The following XKR6 variants were observed in gnomAD, a reference collection of about 807,000 sequenced individuals.
XKR6 encodes XK related 6, also known as XK-related protein 6.
Under a neutral mutation model 56.7 loss-of-function variants are expected in XKR6, and 22 were observed. The observed-to-expected ratio is 0.39, with a 90% CI of 0.28 to 0.55. The LOEUF is 0.55. XKR6 is among the 20% of genes least tolerant of loss of function. The probability of loss-of-function intolerance (pLI) is 0.66; values close to 1 mark genes in which losing one functional copy is unlikely to be tolerated. For synonymous variants in XKR6, 524 were observed against 387.8 expected (o/e 1.35, Z -4.13); for missense variants, 852 against 889.0 (o/e 0.96, Z 0.53).
At chr8:10,956,075 A>C (rs572456709) in intron 1 of XKR6, among the ~76,000 whole-genome samples, 1 of 152,298 alleles carries the variant, frequency 6.6e-6, no homozygotes, top group African/African-American at 2.4e-5. Flanking sequence ...GTGCCTGCCC[A>C]GTGCTCCTGG....
chr8:11,056,418 C>G (rs1799686277), intron 1 of XKR6, among the ~76,000 whole-genome samples: 1 of 152,242 alleles, frequency 6.6e-6, no homozygotes, highest in Admixed American at 6.5e-5. Flanking sequence ...TCTGAGAACT[C>G]CTGGGTAAAC....
chr8:10,949,348 C>G (rs1392591986), intron 1 of XKR6, among the ~76,000 whole-genome samples: 1 of 152,244 alleles, frequency 6.6e-6, no homozygotes, highest in Admixed American at 6.5e-5. Flanking sequence ...GCATGGGCCC[C>G]CTTCATCTGG....
At chr8:10,984,089 C>T (rs897055382) in intron 1 of XKR6, among the ~76,000 whole-genome samples, 3 of 152,100 alleles carry the variant, frequency 2.0e-5, no homozygotes, top group South Asian at 2.1e-4. Context: ...CAAAATCTAC[C>T]AGCACAGCAA....
intron 1 of XKR6, among the ~76,000 whole-genome samples, chr8:10,982,591 C>T (rs902828029): frequency 2.0e-5 from 3 of 152,168 alleles, no homozygotes; most frequent in African/African-American, 7.2e-5. Context: ...GTTCTGTTTG[C>T]TGTCAAGTTC....
chr8:11,003,969 G>A (rs1173732292), intron 1 of XKR6, among the ~76,000 whole-genome samples: 1 of 152,192 alleles, frequency 6.6e-6, no homozygotes, highest in Non-Finnish European at 1.5e-5. Context: ...AGGTGCAAAA[G>A]CAGAGAGTGG....
At chr8:11,150,881 T>C (rs1374737198) in intron 1 of XKR6, among the ~76,000 whole-genome samples, 1 of 149,980 alleles carries the variant, frequency 6.7e-6, no homozygotes. Context: ...AAAAAATTCC[T>C]TCCAACCTTG....
At chr8:11,085,155 C>T (rs1048818781) in intron 1 of XKR6, among the ~76,000 whole-genome samples, 1 of 152,164 alleles carries the variant, frequency 6.6e-6, no homozygotes, top group Non-Finnish European at 1.5e-5. Context: ...CCCTTCTTGT[C>T]ACCCAAGAGC....
At chr8:10,977,049 C>CA (rs1266430002) in intron 1 of XKR6, among the ~76,000 whole-genome samples, 2 of 151,982 alleles carry the variant, frequency 1.3e-5, no homozygotes, top group African/African-American at 4.8e-5. Flanking sequence ...TAAGCAGATC[C>CA]AAAAAAGGCC....
intron 1 of XKR6, among the ~76,000 whole-genome samples, chr8:11,144,389 TGAGAAAGTGGAAAGG>T (rs1800873701): frequency 6.7e-6 from 1 of 148,616 alleles, no homozygotes; most frequent in Admixed American, 6.8e-5. Context: ...TGGTCACATT[TGAGAAAGTGGAAAGG>T]AGACAGAGGG....
chr8:11,097,126 T>C (rs1377901114), intron 1 of XKR6, among the ~76,000 whole-genome samples: 2 of 152,218 alleles, frequency 1.3e-5, no homozygotes, highest in South Asian at 2.1e-4. Context: ...AACAGGACAC[T>C]TGCCATCTGA....
At chr8:11,144,260 A>G (rs908800596) in intron 1 of XKR6, among the ~76,000 whole-genome samples, 1 of 102,560 alleles carries the variant, frequency 9.8e-6, no homozygotes, top group Non-Finnish European at 1.9e-5. Context: ...GTGTGTATCT[A>G]AAGTAGGCTT....
intron 1 of XKR6, among the ~76,000 whole-genome samples, chr8:11,115,778 G>C (rs1263806792): frequency 6.6e-6 from 1 of 152,092 alleles, no homozygotes; most frequent in Non-Finnish European, 1.5e-5. Flanking sequence ...TCATCACCAA[G>C]GCCTGATTTT....
intron 1 of XKR6, among the ~76,000 whole-genome samples, chr8:11,031,498 A>G (rs1798992258): frequency 6.6e-6 from 1 of 152,212 alleles, no homozygotes. Flanking sequence ...CCACAGCAGA[A>G]AGAACCACTC....
intron 1 of XKR6, among the ~76,000 whole-genome samples, chr8:11,149,924 T>C (rs776120743): frequency 5.3e-5 from 8 of 152,220 alleles, no homozygotes; most frequent in African/African-American, 7.2e-5. Context: ...ATCACGCCGT[T>C]TGCAGCGTCA....
rs760701409 is a variant in XKR6 at position 11,201,385 on chromosome 8, G to C, written c.-46C>G. 2.0e-5 allele frequency: 13 copies of C among 648,060 alleles called. No individual in the cohort carries two copies. The highest frequency in any genetic ancestry group is 3.5e-5 in the South Asian group (1 of 28,508). The allele number at this position is 648,060 out of a possible 1,614,324, so 40.1% of individuals were successfully genotyped here. A position where few individuals can be genotyped will look rare whatever the true frequency, so the allele number is the denominator to read the frequency against. ...CGGAGGTTGGGGGGGAGGGACGGCG[G>C]GGGGGGGGGGAAGAAGGCAGGGAAC... On this transcript the variant is annotated 5_prime_UTR_variant, in exon 1 of 3. Coordinates refer to ENST00000416569, the MANE Select transcript of XKR6 (RefSeq NM_173683.4).
At chr8:11,052,979 G>C (rs1347755642) in intron 1 of XKR6, among the ~76,000 whole-genome samples, 7 of 152,192 alleles carry the variant, frequency 4.6e-5, no homozygotes, top group African/African-American at 1.7e-4. Flanking sequence ...ACAGTGCTGA[G>C]GGGCTCAGTC....
intron 1 of XKR6, among the ~76,000 whole-genome samples, chr8:10,958,946 G>C (rs1801976384): frequency 6.6e-6 from 1 of 152,200 alleles, no homozygotes; most frequent in African/African-American, 2.4e-5. Flanking sequence ...TTGTGCAAAA[G>C]CTACAGCTGC....
chr8:11,036,494 C>T (rs1799147829), intron 1 of XKR6, among the ~76,000 whole-genome samples: 1 of 152,206 alleles, frequency 6.6e-6, no homozygotes, highest in Non-Finnish European at 1.5e-5. Flanking sequence ...TAGGAATGCA[C>T]ATTCTTAGGC....
At chr8:11,187,457 G>A (rs534365414) in intron 1 of XKR6, among the ~76,000 whole-genome samples, 74 of 152,204 alleles carry the variant, frequency 4.9e-4, no homozygotes, top group African/African-American at 1.6e-3. Context: ...ACATGTCTCC[G>A]GGACATGGAT....
Sources: allele counts gnomAD v4.1 joint callset (sites outside exome capture counted in the v4.1 genomes callset), GRCh38; gene constraint gnomAD v4.1.1; transcripts MANE v1.5; gene names NCBI Gene and HGNC (gene_info 2026-07-23, HGNC 2026-07-21).